ASAP1: variants seen among roughly 807,000 people sequenced by gnomAD.
ASAP1 encodes ArfGAP with SH3 domain, ankyrin repeat and PH domain 1.
A neutral mutation model predicts 145.2 loss-of-function variants in ASAP1; 43 were observed. The observed-to-expected ratio is 0.30, with a 90% CI of 0.23 to 0.38. The LOEUF (loss-of-function observed/expected upper bound fraction) is 0.38. ASAP1 is among the 10% of genes least tolerant of loss of function. The probability of loss-of-function intolerance (pLI) is 1.00; values close to 1 mark genes in which losing one functional copy is unlikely to be tolerated. For missense variants in ASAP1, 1,018 were observed against 1,355.3 expected (o/e 0.75, Z 3.91); for synonymous variants, 546 against 515.5 (o/e 1.06, Z -0.80).
intron 1 of ASAP1, among the ~76,000 whole-genome samples, chr8:130,422,748 G>A (rs888334071): frequency 6.6e-6 from 1 of 152,072 alleles, no homozygotes; most frequent in African/African-American, 2.4e-5. Flanking sequence ...CAAGAGGCTT[G>A]GTCCTGGGTT....
intron 1 of ASAP1, among the ~76,000 whole-genome samples, chr8:130,412,244 T>A (rs1322831596): frequency 6.6e-6 from 1 of 152,136 alleles, no homozygotes; most frequent in Non-Finnish European, 1.5e-5. Context: ...TGAATTATAA[T>A]CCCCAGTATT....
intron 3 of ASAP1, among the ~76,000 whole-genome samples, chr8:130,265,958 A>G (rs921429207): frequency 6.6e-6 from 1 of 152,228 alleles, no homozygotes; most frequent in African/African-American, 2.4e-5. Flanking sequence ...GCTAACATCC[A>G]TAGTGAGTAA....
At chr8:130,098,268 TA>T (rs1345192661) in intron 24 of ASAP1, among the ~76,000 whole-genome samples, 1 of 152,174 alleles carries the variant, frequency 6.6e-6, no homozygotes, top group African/African-American at 2.4e-5. Context: ...TCCCTTCCTC[TA>T]AATGGCATCA....
intron 2 of ASAP1, among the ~76,000 whole-genome samples, chr8:130,390,531 CT>C (rs1160213063): frequency 6.6e-6 from 1 of 152,154 alleles, no homozygotes; most frequent in African/African-American, 2.4e-5. Flanking sequence ...CTGAAATTAC[CT>C]GTTAGATATC....
intron 3 of ASAP1, among the ~76,000 whole-genome samples, chr8:130,355,032 T>C (rs1253531830): frequency 6.6e-6 from 1 of 152,186 alleles, no homozygotes; most frequent in Non-Finnish European, 1.5e-5. Flanking sequence ...ACTACAGGCA[T>C]GCGCCATCAT....
intron 27 of ASAP1, among the ~76,000 whole-genome samples, chr8:130,065,955 C>T (rs968647714): frequency 1.3e-5 from 2 of 152,116 alleles, no homozygotes; most frequent in African/African-American, 2.4e-5. Flanking sequence ...CTTCTTGGGC[C>T]GTTTTCCACA....
At chr8:130,362,998 T>C (rs996492990) in intron 2 of ASAP1, among the ~76,000 whole-genome samples, 1 of 152,158 alleles carries the variant, frequency 6.6e-6, no homozygotes, top group Admixed American at 6.5e-5. Context: ...ATAAAAAAGA[T>C]AGGCTCCCGT....
At chr8:130,187,403 T>C in intron 6 of ASAP1, 118 bp from the exon 7 acceptor site, 3 of 806,006 alleles carry the variant, frequency 3.7e-6, no homozygotes, top group Admixed American at 2.7e-5. Flanking sequence ...GGAACTTCAC[T>C]TTATGCACGT....
In ASAP1 at chr8:130,169,661, CAAG is replaced by C. The variant is rs199771267; in HGVS notation, c.747-597_747-595del. Among the ~76,000 whole-genome samples the C allele has an allele frequency of 3.5e-4, 53 of 152,302 alleles. No individual in the cohort carries two copies. In the East Asian group the frequency reaches 9.6e-3, roughly 28 times the overall value. ...TTGCATGACTTCACCTGAAAAATAACAAGAATTAATATCTGTGGAGCATTTAGC... is the reference window on the plus strand; with the variant it reads ...TTGCATGACTTCACCTGAAAAATAACAATTAATATCTGTGGAGCATTTAGC... On this transcript the variant is annotated intron_variant, in intron 9 of 29. Transcript: ENST00000518721.
At chr8:130,226,249 G>A (rs1488227999) in intron 4 of ASAP1, among the ~76,000 whole-genome samples, 1 of 152,034 alleles carries the variant, frequency 6.6e-6, no homozygotes, top group Non-Finnish European at 1.5e-5. Flanking sequence ...CACCTGTCCT[G>A]TGACCCGGAA....
At chr8:130,275,888 G>A (rs1820852521) in intron 3 of ASAP1, among the ~76,000 whole-genome samples, 1 of 152,246 alleles carries the variant, frequency 6.6e-6, no homozygotes, top group Middle Eastern at 3.4e-3. Flanking sequence ...GGAGGAGAAC[G>A]TAAACCGTTA....
rs142312893 is a variant in ASAP1 at position 130,340,867 on chromosome 8, C to T, written c.186+17150G>A. 4.4e-3 allele frequency: 2,010 copies of T among 456,010 alleles called. 36 individuals are homozygous for T. The highest frequency in any genetic ancestry group is 0.038 in the African/African-American group (1,880 of 50,106). The allele number at this position is 456,010 out of a possible 1,614,324, so 28.2% of individuals were successfully genotyped here. ...CTTGTGACTCTTATGATGGCTCCTG[C>T]ATGCTTCTTGAGGCTGACCAATCAT... On this transcript the variant is annotated intron_variant, in intron 3 of 29. Coordinates refer to ENST00000518721, the MANE Select transcript of ASAP1 (RefSeq NM_018482.4).
intron 1 of ASAP1, among the ~76,000 whole-genome samples, chr8:130,418,666 T>A (rs80222364): frequency 0.083 from 12,621 of 151,842 alleles, 786 homozygotes; most frequent in South Asian, 0.25. Flanking sequence ...AAGCAGTCAC[T>A]CCCCGTTCCA....
intron 28 of ASAP1, among the ~76,000 whole-genome samples, chr8:130,060,192 T>C (rs921771786): frequency 6.6e-6 from 1 of 151,780 alleles, no homozygotes; most frequent in African/African-American, 2.4e-5. Flanking sequence ...ATCCTCAAGG[T>C]TCCTAGGTAA....
chr8:130,092,925 C>A (rs1319894702), intron 24 of ASAP1, among the ~76,000 whole-genome samples: 2 of 140,238 alleles, frequency 1.4e-5, no homozygotes, highest in African/African-American at 5.3e-5. Flanking sequence ...AGCAAACTGC[C>A]TGACGCTTTT....
At chr8:130,175,045 A>G (rs565087078) in intron 9 of ASAP1, among the ~76,000 whole-genome samples, 8 of 152,332 alleles carry the variant, frequency 5.3e-5, no homozygotes, top group African/African-American at 1.9e-4. Flanking sequence ...CACCATTTAC[A>G]TTCCTACTGG....
chr8:130,355,250 T>A (rs116172898), intron 3 of ASAP1, among the ~76,000 whole-genome samples: 1,677 of 152,288 alleles, frequency 0.011, 29 homozygotes, highest in African/African-American at 0.039. Context: ...CATCAACATC[T>A]GCACAACACA....
chr8:130,104,504 G>A (rs2097533902), intron 24 of ASAP1, among the ~76,000 whole-genome samples: 1 of 152,138 alleles, frequency 6.6e-6, no homozygotes. Context: ...AGCCAATCAG[G>A]ACAAATACAA....
At chr8:130,349,252 T>C (rs140211761) in intron 3 of ASAP1, among the ~76,000 whole-genome samples, 2 of 152,330 alleles carry the variant, frequency 1.3e-5, no homozygotes, top group East Asian at 3.9e-4. Context: ...CTTAGTCCCA[T>C]CTGTGCCTCC....
Sources: allele counts gnomAD v4.1 joint callset (sites outside exome capture counted in the v4.1 genomes callset), GRCh38; gene constraint gnomAD v4.1.1; transcripts MANE v1.5; gene names NCBI Gene and HGNC (gene_info 2026-07-23, HGNC 2026-07-21).